Variants in CTNNA2 observed in about 807,000 individuals in gnomAD.
The protein encoded by CTNNA2 is catenin alpha-2.
In CTNNA2, 42 loss-of-function variants were observed where a neutral mutation model predicts 101.0. That is an observed-to-expected ratio of 0.42 (90% CI 0.32 to 0.54). CTNNA2 has a LOEUF of 0.54. Ranked by LOEUF, CTNNA2 falls within the 20% of genes least tolerant of loss-of-function variation. CTNNA2 has a pLI of 0.14. For missense variants in CTNNA2, 871 were observed against 1,223.1 expected (o/e 0.71, Z 4.29); for synonymous variants, 450 against 456.4 (o/e 0.99, Z 0.18).
At chr2:80,481,837 G>GA (rs542894125) in intron 9 of CTNNA2, among the ~76,000 whole-genome samples, 22 of 151,546 alleles carry the variant, frequency 1.5e-4, no homozygotes, top group African/African-American at 2.2e-4. Flanking sequence ...TATTAAATAA[G>GA]AAAAAAAATG....
chr2:79,566,853 G>T (rs1200946895), intron 1 of CTNNA2, among the ~76,000 whole-genome samples: 2 of 151,946 alleles, frequency 1.3e-5, no homozygotes, highest in Non-Finnish European at 2.9e-5. Flanking sequence ...TTAACTTCTT[G>T]TTGCTAGAAT....
At chr2:79,995,199 C>T (rs1157911576) in intron 7 of CTNNA2, among the ~76,000 whole-genome samples, 1 of 152,174 alleles carries the variant, frequency 6.6e-6, no homozygotes. Flanking sequence ...AATAATATTT[C>T]ACTCAGTGTT....
intron 7 of CTNNA2, among the ~76,000 whole-genome samples, chr2:80,359,885 T>A (rs1406623276): frequency 1.3e-5 from 2 of 152,308 alleles, no homozygotes; most frequent in East Asian, 1.9e-4. Context: ...TATTTCCATA[T>A]CAATTTAGAA....
intron 3 of CTNNA2, among the ~76,000 whole-genome samples, chr2:79,328,652 T>C (rs963324536): frequency 5.9e-5 from 9 of 152,074 alleles, no homozygotes; most frequent in African/African-American, 2.2e-4. Context: ...GAAGGTAGAG[T>C]GTGGTTTGAG....
Position 80,545,710 on chromosome 2 carries a change from T to G in CTNNA2, c.1384-197T>G, listed in dbSNP as rs144195207. Among the ~76,000 whole-genome samples, 267 of 152,312 alleles carry G rather than the reference T, an allele frequency of 1.8e-3. 1 individual carries two copies. Among genetic ancestry groups the G allele is most frequent in the Middle Eastern group, 0.017 (5 of 294 alleles). On this transcript the variant is annotated intron_variant, in intron 10 of 18. Transcript: ENST00000402739. ...AAACCCGAGGCAAACTATTATGTCT[T>G]AAAAAGAAGCAAACAAAAATTAATG...
chr2:80,101,846 T>C (rs1343377198), intron 7 of CTNNA2, among the ~76,000 whole-genome samples: 1 of 152,162 alleles, frequency 6.6e-6, no homozygotes, highest in Non-Finnish European at 1.5e-5. Flanking sequence ...TGTAGAAATA[T>C]GTTGGTTCAC....
intron 1 of CTNNA2, among the ~76,000 whole-genome samples, chr2:79,592,602 A>G (rs1182316557): frequency 6.6e-6 from 1 of 152,176 alleles, no homozygotes; most frequent in Non-Finnish European, 1.5e-5. Context: ...AACATCACAC[A>G]CATACCCCAC....
intron 3 of CTNNA2, among the ~76,000 whole-genome samples, chr2:79,771,856 G>T (rs1673605629): frequency 6.6e-6 from 1 of 152,130 alleles, no homozygotes; most frequent in Admixed American, 6.5e-5. Context: ...AATTCTCATT[G>T]CGACTGTTTT....
chr2:79,275,976 C>G (rs1440206735), intron 2 of CTNNA2, among the ~76,000 whole-genome samples: 2 of 151,940 alleles, frequency 1.3e-5, no homozygotes, highest in Non-Finnish European at 2.9e-5. Flanking sequence ...GGATGGCAGA[C>G]TTCAGTTTAG....
intron 4 of CTNNA2, among the ~76,000 whole-genome samples, chr2:79,401,900 T>C (rs1678294176): frequency 6.6e-6 from 1 of 151,660 alleles, no homozygotes; most frequent in Non-Finnish European, 1.5e-5. Flanking sequence ...ATATATGTTA[T>C]ACACTGTCCA....
intron 7 of CTNNA2, among the ~76,000 whole-genome samples, chr2:80,090,184 G>A (rs867568167): frequency 7.4e-6 from 1 of 136,044 alleles, no homozygotes; most frequent in African/African-American, 2.8e-5. Flanking sequence ...GTGTGTGTGT[G>A]TGTGTTTGTG....
chr2:79,775,359 G>A (rs1047066982), intron 3 of CTNNA2, among the ~76,000 whole-genome samples: 1 of 151,866 alleles, frequency 6.6e-6, no homozygotes, highest in Non-Finnish European at 1.5e-5. Flanking sequence ...GATCTATTTA[G>A]TACATTTTGG....
At chr2:80,563,220 G>A (rs1189495980) in intron 12 of CTNNA2, among the ~76,000 whole-genome samples, 1 of 152,160 alleles carries the variant, frequency 6.6e-6, no homozygotes, top group African/African-American at 2.4e-5. Context: ...CAGAGTCAGT[G>A]CTGGTGTCCA....
Position 80,604,144 on chromosome 2 carries a change from C to G in CTNNA2, c.2260C>G (p.Arg754Gly). 1 of 1,613,026 alleles carries G rather than the reference C, an allele frequency of 6.2e-7. No individual in the cohort carries two copies. Among genetic ancestry groups the G allele is most frequent in the Non-Finnish European group, 8.5e-7 (1 of 1,179,418 alleles). ...AAKKIAEAGSRMDKLARAVAD... is the reference protein window; with the variant it reads ...AAKKIAEAGSGMDKLARAVAD... ...CAAGAAAATTGCCGAAGCAGGTTCT[C>G]GAATGGACAAATTAGCTCGTGCTGT... is the stretch of plus-strand genomic sequence containing the variant. The change falls in exon 16 of 19, where the codon CGA (arginine) becomes GGA (glycine). Residue 754 changes from arginine (R) to glycine (G), a missense_variant. Physicochemically the swap from Arg to Gly is moderately radical, Grantham distance 125 (BLOSUM62 -2). Around this residue, in one of 5 missense-constraint regions of CTNNA2, gnomAD observed 93 missense variants for 223.7 expected, o/e 0.42. Coordinates refer to ENST00000402739, the MANE Select transcript of CTNNA2 (RefSeq NM_001282597.3).
chr2:79,883,714 A>C (rs116001791), intron 6 of CTNNA2, among the ~76,000 whole-genome samples: 1,554 of 152,312 alleles, frequency 0.01, 30 homozygotes, highest in African/African-American at 0.035. Flanking sequence ...TTTATTAAAG[A>C]AAAGAGAGTA....
chr2:79,822,237 A>G (rs1050622042), intron 3 of CTNNA2, among the ~76,000 whole-genome samples: 1 of 151,938 alleles, frequency 6.6e-6, no homozygotes, highest in African/African-American at 2.4e-5. Context: ...ATCGATGTTT[A>G]AGGAACTAAT....
intron 9 of CTNNA2, among the ~76,000 whole-genome samples, chr2:80,515,806 C>T (rs1435345554): frequency 6.6e-6 from 1 of 152,074 alleles, no homozygotes; most frequent in East Asian, 1.9e-4. Flanking sequence ...TGGCTTCAGC[C>T]GAAATCAATT....
At chr2:79,569,727 A>G (rs1675344620) in intron 1 of CTNNA2, among the ~76,000 whole-genome samples, 1 of 152,192 alleles carries the variant, frequency 6.6e-6, no homozygotes, top group African/African-American at 2.4e-5. Context: ...ATTTGAATTC[A>G]GTGTCAGATT....
chr2:79,699,372 G>A (rs896361175), intron 2 of CTNNA2, among the ~76,000 whole-genome samples: 1 of 151,802 alleles, frequency 6.6e-6, no homozygotes, highest in African/African-American at 2.4e-5. Context: ...TTGTTTTAAG[G>A]AATAAATTTT....
Sources: allele counts gnomAD v4.1 joint callset (sites outside exome capture counted in the v4.1 genomes callset), GRCh38; gene constraint gnomAD v4.1.1; regional missense constraint gnomAD v4.1.1; transcripts MANE v1.5; gene names NCBI Gene and HGNC (gene_info 2026-07-23, HGNC 2026-07-21).